GALNT18: variants seen among roughly 807,000 people sequenced by gnomAD.
GALNT18 encodes the protein polypeptide N-acetylgalactosaminyltransferase 18, also known as GalNAc-transferase 18.
In GALNT18, 44 loss-of-function variants were observed where a neutral mutation model predicts 69.5. The observed-to-expected ratio is 0.63, with a 90% CI of 0.50 to 0.81. The LOEUF is 0.81. Among genes scored for constraint, GALNT18 ranks in the 40% least tolerant of loss-of-function variants. The pLI, the probability that GALNT18 is intolerant of heterozygous loss-of-function variation, is 0.00. For missense variants in GALNT18, 715 were observed against 810.0 expected, an observed-to-expected ratio of 0.88 and a Z score of 1.42; for synonymous variants, 364 against 318.2, an observed-to-expected ratio of 1.14 and a Z score of -1.53.
In GALNT18 at chr11:11,602,759, C is replaced by G. The variant is rs1250878877; in HGVS notation, c.235+18600G>C. ...CTTCCCTAACCCCCTGTGATTTGCA[C>G]TGCAAAAAAAGAGAGAATCATTTAG... On this transcript the variant is annotated intron_variant, in intron 1 of 10. Coordinates refer to ENST00000227756, the MANE Select transcript of GALNT18 (RefSeq NM_198516.3). This position sits in a 1 kb window ranked among gnomAD's most constrained non-coding sequence, Gnocchi z 4.7. Among the ~76,000 whole-genome samples, 1 of 151,976 alleles carries G rather than the reference C, an allele frequency of 6.6e-6. No homozygotes were observed. The highest frequency in any genetic ancestry group is 1.5e-5 in the Non-Finnish European group (1 of 67,990).
chr11:11,365,220 T>C (rs551567567), intron 6 of GALNT18, among the ~76,000 whole-genome samples: 99 of 152,228 alleles, frequency 6.5e-4, no homozygotes, highest in Middle Eastern at 3.4e-3. Context: ...GTGTTCAACT[T>C]CCACTTATGG....
In GALNT18 at chr11:11,616,455, T is replaced by A. The variant is rs952504640; in HGVS notation, c.235+4904A>T. ...TACTAATCCCACTTCTGGAAAGACA[T>A]CCTTAAACATAATTCAAAAAACAGT... is the stretch of plus-strand genomic sequence containing the variant. On this transcript the variant is annotated intron_variant, in intron 1 of 10. Coordinates refer to ENST00000227756, the MANE Select transcript of GALNT18 (RefSeq NM_198516.3). This position sits in a 1 kb window ranked among gnomAD's most constrained non-coding sequence, Gnocchi z 4.4. Among the ~76,000 whole-genome samples the A allele has an allele frequency of 2.6e-5, 4 of 152,204 alleles. No individual in the cohort carries two copies. Among genetic ancestry groups the A allele is most frequent in the African/African-American group, 9.7e-5 (4 of 41,438 alleles).
At chr11:11,416,832 A>T (rs549412324) in intron 3 of GALNT18, among the ~76,000 whole-genome samples, 1 of 152,150 alleles carries the variant, frequency 6.6e-6, no homozygotes, top group Non-Finnish European at 1.5e-5. Flanking sequence ...GAGCCATGGC[A>T]CCTCAAAATG....
At chr11:11,406,436 GCTAA>G (rs1202461757) in intron 3 of GALNT18, among the ~76,000 whole-genome samples, 9 of 152,164 alleles carry the variant, frequency 5.9e-5, no homozygotes, top group African/African-American at 1.9e-4. Context: ...TCTCCATAGG[GCTAA>G]CTTTTTATAC....
chr11:11,481,446 T>C (rs1383568605), intron 1 of GALNT18, among the ~76,000 whole-genome samples: 1 of 152,208 alleles, frequency 6.6e-6, no homozygotes, highest in African/African-American at 2.4e-5. Flanking sequence ...AGGTGCTTTA[T>C]GCAGCCAGCA....
intron 10 of GALNT18, among the ~76,000 whole-genome samples, chr11:11,280,718 C>T (rs964316925): frequency 2.0e-5 from 3 of 152,166 alleles, no homozygotes; most frequent in African/African-American, 7.2e-5. Flanking sequence ...GACCACAGTG[C>T]CCAGGGTCAC....
chr11:11,293,249 G>C, intron 9 of GALNT18, 56 bp from the exon 10 acceptor site: 2 of 1,287,224 alleles, frequency 1.6e-6, no homozygotes, highest in African/African-American at 3.0e-5. Context: ...ACGGAGACAG[G>C]AGCATAGGTG....
chr11:11,327,086 C>G lies in GALNT18; in HGVS notation c.1512G>C (p.Gln504His), dbSNP rs1849934256. ...IMYICHGMTP[Q>H]NVYYTSSQQI... ...CACAGGAATCTCTTAGAGGACTCAC[C>G]TGAGGCGTCATCCCATGGCAGATGT... is the stretch of plus-strand genomic sequence containing the variant. The change falls in exon 9 of 11, where the codon CAG (glutamine) becomes CAC (histidine). Residue 504 changes from glutamine to histidine, a missense_variant and splice_region_variant. Physicochemically the swap from Gln to His is conservative, Grantham distance 24. Transcript: ENST00000227756. 1 of 1,610,194 alleles carries G rather than the reference C, an allele frequency of 6.2e-7. No individual in the cohort carries two copies. The highest frequency in any genetic ancestry group is 1.3e-5 in the African/African-American group (1 of 74,822).
chr11:11,481,150 C>A (rs990119586), intron 1 of GALNT18, among the ~76,000 whole-genome samples: 20 of 152,174 alleles, frequency 1.3e-4, no homozygotes, highest in Admixed American at 4.6e-4. Flanking sequence ...GGTGAGTAAG[C>A]TCAGGACTGA....
At chr11:11,492,148 C>T (rs1489469974) in intron 1 of GALNT18, among the ~76,000 whole-genome samples, 8 of 152,202 alleles carry the variant, frequency 5.3e-5, no homozygotes, top group Non-Finnish European at 1.2e-4. Flanking sequence ...ATTGTATCCT[C>T]GTGTTTAAGT....
At position 11,375,950 on chromosome 11, in the gene GALNT18, C is replaced by T. The variant is rs188772740; in HGVS notation, c.977+1232G>A. Among the ~76,000 whole-genome samples, 77 of 152,234 alleles carry T rather than the reference C, an allele frequency of 5.1e-4. No individual in the cohort carries two copies. The East Asian group carries it at 0.011, about 21-fold the overall frequency. On this transcript the variant is annotated intron_variant, in intron 5 of 10. Coordinates refer to ENST00000227756, the MANE Select transcript of GALNT18 (RefSeq NM_198516.3). ...ATTAAATTTTTCATACCCTTTCTCC[C>T]TAATATAATATAAAACAACATGAGC...
chr11:11,467,598 A>G lies in GALNT18; in HGVS notation c.236-18662T>C, dbSNP rs77569522. On this transcript the variant is annotated intron_variant, in intron 1 of 10. Coordinates refer to ENST00000227756, the MANE Select transcript of GALNT18 (RefSeq NM_198516.3). ...AGGAGACACGCCCACACGCTCATGC[A>G]TTGTGCACATTCAGGGCACAGACAG... Among the ~76,000 whole-genome samples, 688 of 152,322 alleles carry G rather than the reference A, an allele frequency of 4.5e-3. 4 individuals are homozygous for G. Among genetic ancestry groups the G allele is most frequent in the African/African-American group, 0.015 (644 of 41,578 alleles).
intron 2 of GALNT18, among the ~76,000 whole-genome samples, chr11:11,447,531 G>T (rs1395062028): frequency 1.3e-5 from 2 of 152,164 alleles, no homozygotes; most frequent in Non-Finnish European, 2.9e-5. Context: ...TTCTCATGCT[G>T]CTATGAAGAA....
rs996594723 is a variant in GALNT18 at position 11,444,571 on chromosome 11, T to A, written c.428+4173A>T. ...TGTTTTTCCTTCTAGTTGTGTCCTG[T>A]CTTGTCTATAAGGCACTGGCACAGC... is the stretch of plus-strand genomic sequence containing the variant. On this transcript the variant is annotated intron_variant, in intron 2 of 10. Transcript: ENST00000227756. The surrounding 1 kb of genome is among the most constrained non-coding windows in gnomAD (Gnocchi z 4.4). Among the ~76,000 whole-genome samples, 1 of 152,158 alleles carries A rather than the reference T, an allele frequency of 6.6e-6. No individual in the cohort carries two copies. The highest frequency in any genetic ancestry group is 1.5e-5 in the Non-Finnish European group (1 of 68,030).
At chr11:11,278,877 A>G (rs1849005795) in intron 10 of GALNT18, among the ~76,000 whole-genome samples, 1 of 152,260 alleles carries the variant, frequency 6.6e-6, no homozygotes, top group Non-Finnish European at 1.5e-5. Flanking sequence ...CACAGAAATG[A>G]TAAATGCTTG....
chr11:11,355,850 T>G (rs1310508710), intron 6 of GALNT18, among the ~76,000 whole-genome samples: 1 of 152,102 alleles, frequency 6.6e-6, no homozygotes, highest in Non-Finnish European at 1.5e-5. Flanking sequence ...TCTTGAACTT[T>G]CCCAAACTAG....
intron 1 of GALNT18, among the ~76,000 whole-genome samples, chr11:11,490,234 AACACACAC>A (rs61477736): frequency 0.37 from 46,826 of 125,346 alleles, 8,249 homozygotes; most frequent in Admixed American, 0.49. Context: ...CTCTCTCTCT[AACACACAC>A]ACACACACAC....
At chr11:11,330,938 A>G (rs954271491) in intron 8 of GALNT18, among the ~76,000 whole-genome samples, 2 of 152,206 alleles carry the variant, frequency 1.3e-5, no homozygotes, top group Non-Finnish European at 2.9e-5. Flanking sequence ...ACATGAATCC[A>G]GAAGCTTGCC....
At chr11:11,408,103 C>T (rs1048773983) in intron 3 of GALNT18, among the ~76,000 whole-genome samples, 10 of 152,152 alleles carry the variant, frequency 6.6e-5, no homozygotes, top group African/African-American at 9.7e-5. Flanking sequence ...TGGTGGCTCA[C>T]GCCTATAATC....
Sources: gnomAD v4.1 joint callset for allele counts (sites outside exome capture counted in the v4.1 genomes callset) on GRCh38, gnomAD v4.1.1 for gene constraint, Gnocchi (gnomAD v3.1) non-coding constraint, MANE v1.5 for transcripts, NCBI Gene and HGNC (gene_info 2026-07-23, HGNC 2026-07-21) for gene names.